The following SCHIP1 variants were observed in gnomAD, a reference collection of about 807,000 sequenced individuals.
SCHIP1 encodes the protein schwannomin interacting protein 1, also known as schwannomin-interacting protein 1.
A neutral mutation model predicts 29.7 loss-of-function variants in SCHIP1; 8 were observed. That is an observed-to-expected ratio of 0.27 (90% confidence interval 0.16 to 0.49). The LOEUF (loss-of-function observed/expected upper bound fraction) is 0.49. Ranked by LOEUF, SCHIP1 falls within the 20% of genes least tolerant of loss-of-function variation. The pLI, the probability that SCHIP1 is intolerant of heterozygous loss-of-function variation, is 0.99. For missense variants in SCHIP1, 193 were observed against 294.6 expected (o/e 0.66, Z 2.52); for synonymous variants, 76 against 94.9 (o/e 0.80, Z 1.16).
the SCHIP1 span, among the ~76,000 whole-genome samples, chr3:159,705,531 G>C: frequency 2.0e-5 from 3 of 151,996 alleles, no homozygotes; most frequent in Non-Finnish European, 4.4e-5. Context: ...GACAGATATA[G>C]AGAGAGAACA....
the SCHIP1 span, among the ~76,000 whole-genome samples, chr3:159,363,326 T>C: frequency 3.3e-5 from 5 of 152,156 alleles, no homozygotes; most frequent in Admixed American, 2.0e-4. Flanking sequence ...ACCATGTCCT[T>C]AGGTAGTAAG....
At chr3:159,414,982 G>C in the SCHIP1 span, among the ~76,000 whole-genome samples, 11 of 152,254 alleles carry the variant, frequency 7.2e-5, 1 homozygote, top group South Asian at 1.9e-3. Context: ...AATCAGTACT[G>C]TTCTGCAGCC....
At chr3:159,830,420 A>T in the SCHIP1 span, among the ~76,000 whole-genome samples, 1 of 152,244 alleles carries the variant, frequency 6.6e-6, no homozygotes, top group East Asian at 1.9e-4. Context: ...ACAACCAATT[A>T]GTGATTCACA....
At chr3:159,840,037 A>G (rs1744073594) in exon 1 of SCHIP1, 1 of 1,471,606 alleles carries the variant, frequency 6.8e-7, no homozygotes, top group South Asian at 1.4e-5. Context: ...GCGCAGGTTG[A>G]TCAGCGAAAC....
At chr3:159,828,755 TAC>T in the SCHIP1 span, among the ~76,000 whole-genome samples, 1 of 152,148 alleles carries the variant, frequency 6.6e-6, no homozygotes, top group South Asian at 2.1e-4. Flanking sequence ...AGATTCCATG[TAC>T]TGCTTTAGCA....
the SCHIP1 span, among the ~76,000 whole-genome samples, chr3:159,470,252 T>C: frequency 7.2e-5 from 11 of 152,258 alleles, no homozygotes; most frequent in South Asian, 2.1e-3. Flanking sequence ...CATTATTGCA[T>C]TGAACATAAT....
At chr3:159,694,898 T>C in the SCHIP1 span, among the ~76,000 whole-genome samples, 1 of 152,200 alleles carries the variant, frequency 6.6e-6, no homozygotes, top group Non-Finnish European at 1.5e-5. Flanking sequence ...TCAACGTATC[T>C]ATCATACCAG....
At chr3:159,756,522 G>A in the SCHIP1 span, among the ~76,000 whole-genome samples, 6 of 152,144 alleles carry the variant, frequency 3.9e-5, no homozygotes, top group Non-Finnish European at 7.3e-5. Context: ...ATGACGGGAG[G>A]GGCTGCTATG....
the SCHIP1 span, among the ~76,000 whole-genome samples, chr3:159,348,124 G>T: frequency 6.6e-6 from 1 of 152,062 alleles, no homozygotes; most frequent in Non-Finnish European, 1.5e-5. Context: ...ACAAATTTTA[G>T]ACTCAATGTT....
chr3:159,413,660 T>G, the SCHIP1 span, among the ~76,000 whole-genome samples: 5 of 152,064 alleles, frequency 3.3e-5, no homozygotes, highest in Non-Finnish European at 7.4e-5. Flanking sequence ...GTCATGAAAA[T>G]TATATCCCCT....
chr3:159,765,782 AG>A, the SCHIP1 span: 7 of 152,126 alleles, frequency 4.6e-5, no homozygotes, highest in East Asian at 3.9e-4. Context: ...AGGATAAGGG[AG>A]GGGTTCTTCC....
the SCHIP1 span, among the ~76,000 whole-genome samples, chr3:159,709,459 AG>A: frequency 1.3e-5 from 2 of 152,292 alleles, no homozygotes; most frequent in African/African-American, 4.8e-5. Flanking sequence ...AAGGAAAAAA[AG>A]GTTAGCTTAG....
the SCHIP1 span, among the ~76,000 whole-genome samples, chr3:159,569,804 T>A: frequency 6.6e-6 from 1 of 152,216 alleles, no homozygotes; most frequent in Admixed American, 6.5e-5. Context: ...AGCTTTCCTA[T>A]TTCTCCATAT....
chr3:159,396,594 G>A, the SCHIP1 span, among the ~76,000 whole-genome samples: 1 of 151,576 alleles, frequency 6.6e-6, no homozygotes, highest in Non-Finnish European at 1.5e-5. Flanking sequence ...TAGTTTGGCA[G>A]GATATGAAAT....
chr3:159,420,638 T>G, the SCHIP1 span, among the ~76,000 whole-genome samples: 147 of 152,260 alleles, frequency 9.7e-4, no homozygotes, highest in African/African-American at 3.3e-3. Context: ...CCAGAAGAGG[T>G]CTCAAAAGAC....
chr3:159,292,254 G>T, the SCHIP1 span, among the ~76,000 whole-genome samples: 13 of 152,118 alleles, frequency 8.5e-5, no homozygotes, highest in African/African-American at 3.1e-4. Context: ...AGAAAGAGAT[G>T]TAAAGTATAA....
chr3:159,627,462 T>G, the SCHIP1 span, among the ~76,000 whole-genome samples: 1 of 152,172 alleles, frequency 6.6e-6, no homozygotes, highest in Admixed American at 6.5e-5. Flanking sequence ...CCTCACCCTA[T>G]GAGGGAAGTA....
intron 1 of SCHIP1, among the ~76,000 whole-genome samples, chr3:159,858,459 C>T (rs1242580643): frequency 2.0e-5 from 3 of 152,108 alleles, no homozygotes; most frequent in Non-Finnish European, 4.4e-5. Context: ...CTTTGCTTAC[C>T]TTCTCAATCG....
intron 2 of SCHIP1, among the ~76,000 whole-genome samples, chr3:159,877,779 T>TG (rs1046659784): frequency 6.6e-5 from 10 of 152,290 alleles, no homozygotes; most frequent in African/African-American, 1.4e-4. Flanking sequence ...CATCAGCAGG[T>TG]GGGGTAGATA....
Sources: allele counts gnomAD v4.1 joint callset (sites outside exome capture counted in the v4.1 genomes callset), GRCh38; gene constraint gnomAD v4.1.1; transcripts MANE v1.5; gene names NCBI Gene and HGNC (gene_info 2026-07-23, HGNC 2026-07-21).